The following WDFY4 variants were observed in gnomAD, a reference collection of about 807,000 sequenced individuals.
The protein encoded by WDFY4 is WDFY family member 4.
Under a neutral mutation model 351.9 loss-of-function variants are expected in WDFY4, and 169 were observed. That is an observed-to-expected ratio of 0.48 (90% confidence interval 0.42 to 0.55). The LOEUF (loss-of-function observed/expected upper bound fraction) is 0.55, where lower values mean the gene tolerates loss of function less well. Ranked by LOEUF, WDFY4 falls within the 20% of genes least tolerant of loss-of-function variation. The probability of loss-of-function intolerance (pLI) is 0.00; values close to 1 mark genes in which losing one functional copy is unlikely to be tolerated. For synonymous variants in WDFY4, 1,622 were observed against 1,574.6 expected (o/e 1.03, Z -0.71); for missense variants, 3,803 against 3,935.6 (o/e 0.97, Z 0.90).
intron 1 of WDFY4, among the ~76,000 whole-genome samples, chr10:48,697,677 C>G (rs1041979178): frequency 3.3e-5 from 5 of 152,202 alleles, no homozygotes; most frequent in Non-Finnish European, 4.4e-5. Context: ...TGGCCCCATA[C>G]CTCCTGGCTG....
chr10:48,827,899 T>C (rs2068058422), intron 36 of WDFY4, among the ~76,000 whole-genome samples: 2 of 152,016 alleles, frequency 1.3e-5, no homozygotes, highest in Non-Finnish European at 2.9e-5. Context: ...AAGTTTTTTT[T>C]TTTTCTTCCT....
At position 48,810,877 on chromosome 10, in the gene WDFY4, A is replaced by C. The variant is rs984713214; in HGVS notation, c.5044+142A>C. 3 of 866,308 alleles carry C rather than the reference A, an allele frequency of 3.5e-6. No individual in the cohort carries two copies. In the African/African-American group the frequency reaches 5.1e-5, roughly 15 times the overall value. The allele number at this position is 866,308 out of a possible 1,614,324, so 53.7% of individuals were successfully genotyped here. A position where few individuals can be genotyped will look rare whatever the true frequency, so the allele number is the denominator to read the frequency against. Reference sequence around the variant, plus strand: ...CTCGAGCCCTGACTCCAAGGCCTACATCCAAATGAGCCCAGCCCCCCTGAC... The same window carrying C: ...CTCGAGCCCTGACTCCAAGGCCTACCTCCAAATGAGCCCAGCCCCCCTGAC... On this transcript the variant is annotated intron_variant, in intron 29 of 61. Coordinates refer to ENST00000325239, the MANE Select transcript of WDFY4 (RefSeq NM_001394531.1).
rs1565115572 is a variant in WDFY4, at chr10:48,709,698, T to TA, written c.-17-17dup. The TA allele has an allele frequency of 1.3e-6, 2 of 1,545,788 alleles. No homozygotes were observed. Among genetic ancestry groups the TA allele is most frequent in the Admixed American group, 3.9e-5 (2 of 50,990 alleles). ...GTGATGTGACAGGAATGTTCACTTC[T>TA]ATTTGTTCTGAATTCAGATCTGCTT... On this transcript the variant is annotated splice_polypyrimidine_tract_variant and intron_variant, in intron 1 of 61. Coordinates refer to ENST00000325239, the MANE Select transcript of WDFY4 (RefSeq NM_001394531.1).
intron 51 of WDFY4, among the ~76,000 whole-genome samples, chr10:48,951,969 G>T (rs1841345907): frequency 6.6e-6 from 1 of 152,240 alleles, no homozygotes. Flanking sequence ...CCCATGTGAA[G>T]TCAGCTGTTA....
chr10:48,973,221 C>T (rs936862896), intron 57 of WDFY4, among the ~76,000 whole-genome samples: 8 of 152,198 alleles, frequency 5.3e-5, no homozygotes, highest in Admixed American at 4.6e-4. Flanking sequence ...ATTGCTATTT[C>T]CCCTGCAGTC....
chr10:48,758,724 G>A (rs567448356), intron 12 of WDFY4, among the ~76,000 whole-genome samples: 49 of 152,222 alleles, frequency 3.2e-4, no homozygotes, highest in African/African-American at 1.1e-3. Flanking sequence ...ACAAATTTCA[G>A]TTGTTGTGTT....
Position 48,946,138 on chromosome 10 carries a change from A to G in WDFY4, c.7848A>G (p.Lys2616=). The change falls in exon 50 of 62, where the codon AAA becomes AAG. Residue 2616 remains lysine, a synonymous_variant. Coordinates refer to ENST00000325239, the MANE Select transcript of WDFY4 (RefSeq NM_001394531.1). ...AGCTGAAATTTATCCAGAGGTTTAA[A>G]GAAGTTGAGAAAACTGAAGGTGAGT... ...ERKLKFIQRF[K]EVEKTEGDMT... is the part of the protein sequence containing the mutation. 1 of 1,549,934 alleles carries G rather than the reference A, an allele frequency of 6.5e-7. No individual in the cohort carries two copies.
At chr10:48,705,098 T>G (rs1565110899) in intron 1 of WDFY4, among the ~76,000 whole-genome samples, 2 of 152,140 alleles carry the variant, frequency 1.3e-5, no homozygotes, top group African/African-American at 2.4e-5. Context: ...CAAACATGTC[T>G]GAGAGTAGAA....
rs2066046038 is a variant in WDFY4, at chr10:48,776,793, T to A, written c.2907T>A (p.Ala969=). 1 of 1,551,050 alleles carries A rather than the reference T, an allele frequency of 6.4e-7. No individual in the cohort carries two copies. Among genetic ancestry groups the A allele is most frequent in the Non-Finnish European group, 8.7e-7 (1 of 1,146,880 alleles). The part of the protein sequence containing the change: ...AQGLAEGPWP[A]APDAGLHPGV... ...GCTTGGCTGAGGGGCCCTGGCCAGCTGCCCCAGATGCTGGGCTGCACCCTG... is the reference window on the plus strand; with the variant it reads ...GCTTGGCTGAGGGGCCCTGGCCAGCAGCCCCAGATGCTGGGCTGCACCCTG... The change falls in exon 16 of 62, where the codon GCT becomes GCA. Residue 969 remains alanine, a synonymous_variant. Transcript: ENST00000325239.
At chr10:48,975,090 T>A (rs1242452625) in intron 58 of WDFY4, 49 bp downstream of exon 58, 2 of 1,550,690 alleles carry the variant, frequency 1.3e-6, no homozygotes, top group Non-Finnish European at 1.7e-6. Context: ...CGCAGTAGCA[T>A]GGGGTACAAC....
rs570170163 is a variant in WDFY4, at chr10:48,979,504, C to T, written c.9376+1111C>T. ...AAGCTAACGGCATTAGCTAAGCCTA[C>T]GGTTGATGAATGGATGTCTGAGAAA... On this transcript the variant is annotated intron_variant, in intron 60 of 61. Coordinates refer to ENST00000325239, the MANE Select transcript of WDFY4 (RefSeq NM_001394531.1). Among the ~76,000 whole-genome samples, 14 of 152,044 alleles carry T rather than the reference C, an allele frequency of 9.2e-5. No individual in the cohort carries two copies. In the East Asian group the frequency reaches 1.2e-3, roughly 13 times the overall value.
intron 2 of WDFY4, among the ~76,000 whole-genome samples, chr10:48,718,912 T>A (rs754733847): frequency 6.6e-5 from 10 of 152,026 alleles, no homozygotes; most frequent in Non-Finnish European, 1.5e-4. Context: ...GTATCCTAAA[T>A]AATAAGGGGA....
chr10:48,922,768 CT>C (rs1460290725), intron 47 of WDFY4, among the ~76,000 whole-genome samples: 1 of 152,072 alleles, frequency 6.6e-6, no homozygotes, highest in African/African-American at 2.4e-5. Context: ...AGCATTTTGC[CT>C]AATAAAAAAA....
chr10:48,774,337 G>A (rs1360904393), intron 13 of WDFY4, 121 bp from the exon 14 acceptor site: 1 of 993,352 alleles, frequency 1.0e-6, no homozygotes, highest in Non-Finnish European at 1.5e-6. Flanking sequence ...AGTGGGGATG[G>A]GGTATGGTGG....
chr10:48,810,540 G>T lies in WDFY4; in HGVS notation c.4849G>T (p.Glu1617Ter), dbSNP rs1299880020. 2.6e-6 allele frequency: 4 copies of T among 1,551,380 alleles called. No homozygotes were observed. The highest frequency in any genetic ancestry group is 3.5e-6 in the Non-Finnish European group (4 of 1,146,938). ...TTTATTAATCCCCAGGTCAAAGGAA[G>T]AGATGTTTCTGAAACTGGGGCCTGA... Reference protein sequence around the residue: ...QLHLSSESKEEMFLKLGPDWF... With the variant: ...QLHLSSESKE The change falls in exon 29 of 62, where the codon GAG becomes TAG. Residue 1617 changes from glutamate to a stop codon, truncating the protein, a stop_gained. Coordinates refer to ENST00000325239, the MANE Select transcript of WDFY4 (RefSeq NM_001394531.1). LOFTEE classifies it high-confidence loss of function.
intron 43 of WDFY4, among the ~76,000 whole-genome samples, chr10:48,886,076 C>T (rs2070444959): frequency 6.6e-6 from 1 of 152,210 alleles, no homozygotes; most frequent in African/African-American, 2.4e-5. Context: ...TTCTTTGCAG[C>T]AGACTCACTC....
At chr10:48,970,044 G>A in intron 56 of WDFY4, 87 bp from the exon 57 acceptor site, 1 of 1,461,266 alleles carries the variant, frequency 6.8e-7, no homozygotes, top group Non-Finnish European at 9.1e-7. Context: ...AAGGCACTCA[G>A]ACTGGCCCAC....
At chr10:48,814,417 G>A (rs572626888) in intron 31 of WDFY4, among the ~76,000 whole-genome samples, 10 of 152,290 alleles carry the variant, frequency 6.6e-5, no homozygotes, top group African/African-American at 9.6e-5. Context: ...CCATCTCCTC[G>A]CTCATGAGTG....
chr10:48,721,436 G>C, intron 4 of WDFY4, 69 bp downstream of exon 4: 1 of 1,408,892 alleles, frequency 7.1e-7, no homozygotes, highest in Non-Finnish European at 9.8e-7. Context: ...GTCCAGCACA[G>C]GGTGGTGGCA....
Sources: gnomAD v4.1 joint callset for allele counts (sites outside exome capture counted in the v4.1 genomes callset) on GRCh38, gnomAD v4.1.1 for gene constraint, MANE v1.5 for transcripts, NCBI Gene and HGNC (gene_info 2026-07-23, HGNC 2026-07-21) for gene names.